GIGYF2: variants seen among roughly 807,000 people sequenced by gnomAD.
GIGYF2 encodes the protein GRB10-interacting GYF protein 2.
Under a neutral mutation model 208.1 loss-of-function variants are expected in GIGYF2, and 25 were observed. That is an observed-to-expected ratio of 0.12 (90% CI 0.09 to 0.17). GIGYF2 has a LOEUF of 0.17. Ranked by LOEUF, GIGYF2 falls within the 10% of genes least tolerant of loss-of-function variation. The pLI is 1.00. For synonymous variants in GIGYF2, 534 were observed against 543.8 expected (o/e 0.98, Z 0.25); for missense variants, 1,302 against 1,579.4 (o/e 0.82, Z 2.98).
chr2:232,733,702 T>C (rs1283700170), intron 2 of GIGYF2, among the ~76,000 whole-genome samples: 3 of 152,202 alleles, frequency 2.0e-5, no homozygotes, highest in African/African-American at 4.8e-5. Context: ...AAGTCCCTAA[T>C]GTAAAATGGC....
At chr2:232,768,408 A>T in intron 8 of GIGYF2, 2 of 1,614,198 alleles carry the variant, frequency 1.2e-6, no homozygotes, top group Non-Finnish European at 1.7e-6. Context: ...TTCAGACGGT[A>T]GGTAGGATGT....
intron 2 of GIGYF2, among the ~76,000 whole-genome samples, chr2:232,710,461 C>T (rs562596340): frequency 9.8e-4 from 149 of 152,242 alleles, no homozygotes; most frequent in African/African-American, 3.5e-3. Flanking sequence ...AAAATTTAAA[C>T]CCAGCAAATG....
chr2:232,812,088 AGATACG>A (rs1700750081), intron 17 of GIGYF2, among the ~76,000 whole-genome samples: 1 of 152,198 alleles, frequency 6.6e-6, no homozygotes, highest in African/African-American at 2.4e-5. Context: ...GGGTTTTTTA[AGATACG>A]GATATACAGT....
At chr2:232,846,118 C>T (rs1701995537) in intron 26 of GIGYF2, among the ~76,000 whole-genome samples, 1 of 152,166 alleles carries the variant, frequency 6.6e-6, no homozygotes, top group Non-Finnish European at 1.5e-5. Context: ...CCATCTTAGA[C>T]TGCCTTAATG....
chr2:232,819,775 T>C, intron 20 of GIGYF2, 52 bp from the exon 21 acceptor site: 11 of 774,488 alleles, frequency 1.4e-5, no homozygotes, highest in South Asian at 1.4e-4. Flanking sequence ...ATAAATTGAA[T>C]GATAGACCTG....
intron 14 of GIGYF2, among the ~76,000 whole-genome samples, chr2:232,803,180 T>C (rs1168174979): frequency 6.6e-6 from 1 of 152,256 alleles, no homozygotes; most frequent in Non-Finnish European, 1.5e-5. Flanking sequence ...CGTGAGCCAC[T>C]GTGCCCGGCC....
rs751210729 is a variant in GIGYF2, at chr2:232,844,199, AAGCAGCAGC to A, written c.3057_3065del (p.Gln1020_Gln1022del). On this transcript the variant is annotated inframe_deletion, in exon 24 of 29. Transcript: ENST00000373563. ...GCAGGAAGAGGCCAGGCAAATGCAA[AAGCAGCAGC>A]AGCAGCAGCAGCAACACCAGCAACC... 17 of 1,561,560 alleles carry A rather than the reference AAGCAGCAGC, an allele frequency of 1.1e-5. No individual in the cohort carries two copies. The highest frequency in any genetic ancestry group is 1.0e-4 in the South Asian group (9 of 86,232).
intron 8 of GIGYF2, among the ~76,000 whole-genome samples, chr2:232,780,808 A>G (rs1699687206): frequency 6.6e-6 from 1 of 152,210 alleles, no homozygotes; most frequent in Non-Finnish European, 1.5e-5. Context: ...TTGATTTTGA[A>G]TGCTGAGAAG....
intron 23 of GIGYF2, among the ~76,000 whole-genome samples, chr2:232,842,489 G>A (rs979332617): frequency 2.0e-5 from 3 of 152,098 alleles, no homozygotes; most frequent in Non-Finnish European, 4.4e-5. Context: ...CTTACTGATA[G>A]CTTCTTAAAA....
intron 3 of GIGYF2, among the ~76,000 whole-genome samples, chr2:232,746,122 T>C (rs1574831070): frequency 6.6e-6 from 1 of 152,030 alleles, no homozygotes; most frequent in East Asian, 1.9e-4. Flanking sequence ...CACGGGAGTT[T>C]GTCATCTGCT....
chr2:232,856,779 T>G lies in GIGYF2; in HGVS notation c.3833-14T>G, dbSNP rs1690593968. The G allele has an allele frequency of 6.2e-7, 1 of 1,603,492 alleles. No homozygotes were observed. Among genetic ancestry groups the G allele is most frequent in the Admixed American group, 1.7e-5 (1 of 59,946 alleles). On this transcript the variant is annotated splice_polypyrimidine_tract_variant and intron_variant, in intron 28 of 28. Transcript: ENST00000373563. ...CCTGGGTGTGGTCACTCATAGCCAG[T>G]TTTTTTTCTGCAGGATTTTCAGTCA...
At chr2:232,773,794 ATTG>A (rs1293734657) in intron 8 of GIGYF2, among the ~76,000 whole-genome samples, 1 of 150,842 alleles carries the variant, frequency 6.6e-6, no homozygotes. Flanking sequence ...TAGTTGCTTT[ATTG>A]TTATTAAAAA....
chr2:232,784,386 C>CTTTCTTTTT (rs1699831637), intron 8 of GIGYF2, among the ~76,000 whole-genome samples: 1 of 92,312 alleles, frequency 1.1e-5, no homozygotes, highest in Non-Finnish European at 2.0e-5. Context: ...GAAATAATTT[C>CTTTCTTTTT]TTTTTTTTTT....
At position 232,719,950 on chromosome 2, in the gene GIGYF2, G is replaced by A. The variant is rs143862406; in HGVS notation, c.-43-15205G>A. Among the ~76,000 whole-genome samples, 899 of 152,132 alleles carry A rather than the reference G, an allele frequency of 5.9e-3. 9 individuals are homozygous for A. Among genetic ancestry groups the A allele is most frequent in the African/African-American group, 0.021 (871 of 41,510 alleles). ...ATAGATTAAGTTCTAGGGTACATGT[G>A]CACAACGTGCAGTTTTGTTACATAG... is the stretch of plus-strand genomic sequence containing the variant. On this transcript the variant is annotated intron_variant, in intron 2 of 28. Coordinates refer to ENST00000373563, the MANE Select transcript of GIGYF2 (RefSeq NM_001103146.3).
At chr2:232,786,244 A>ATT (rs199979651) in intron 8 of GIGYF2, among the ~76,000 whole-genome samples, 1 of 148,680 alleles carries the variant, frequency 6.7e-6, no homozygotes, top group Admixed American at 6.7e-5. Flanking sequence ...CTACTTTTCA[A>ATT]TTTTTTTTTT....
rs1485763161 is a variant in GIGYF2 at position 232,806,881 on chromosome 2, C to G, written c.1806+224C>G. Among the ~76,000 whole-genome samples the G allele has an allele frequency of 6.6e-6, 1 of 152,180 alleles. No homozygotes were observed. Among genetic ancestry groups the G allele is most frequent in the South Asian group, 2.1e-4 (1 of 4,836 alleles). On this transcript the variant is annotated intron_variant, in intron 15 of 28. Transcript: ENST00000373563. This position sits in a 1 kb window ranked among gnomAD's most constrained non-coding sequence, Gnocchi z 4.0. ...ATCCTCTTCACACCCCAGCTCCTCC[C>G]CAACAGGGAAACGGAATCCTTCAGT...
rs180760296 is a variant in GIGYF2 at position 232,847,700 on chromosome 2, T to A, written c.3684+129T>A. 4.4e-4 allele frequency: 552 copies of A among 1,259,414 alleles called. 2 individuals carry two copies. In the African/African-American group the frequency reaches 7.6e-3, roughly 17 times the overall value. 78.0% of individuals were successfully genotyped at this position (1,259,414 alleles called of 1,614,324 possible). ...TCCAATAACCATGCTTTAAAAAATG[T>A]GTATACTTCATATTTTCAAATTACT... is the stretch of plus-strand genomic sequence containing the variant. On this transcript the variant is annotated intron_variant, in intron 27 of 28. Coordinates refer to ENST00000373563, the MANE Select transcript of GIGYF2 (RefSeq NM_001103146.3).
At chr2:232,779,640 G>A (rs1699644196) in intron 8 of GIGYF2, among the ~76,000 whole-genome samples, 1 of 152,204 alleles carries the variant, frequency 6.6e-6, no homozygotes. Context: ...GTATGTACCA[G>A]CAGACAGCTG....
chr2:232,765,785 C>T (rs1698932004), intron 8 of GIGYF2: 2 of 354,058 alleles, frequency 5.6e-6, no homozygotes, highest in African/African-American at 2.2e-5. Context: ...ATAGACTCTT[C>T]TGGTACTTGG....
Sources: gnomAD v4.1 joint callset for allele counts (sites outside exome capture counted in the v4.1 genomes callset) on GRCh38, gnomAD v4.1.1 for gene constraint, Gnocchi (gnomAD v3.1) non-coding constraint, MANE v1.5 for transcripts, NCBI Gene and HGNC (gene_info 2026-07-23, HGNC 2026-07-21) for gene names.